KHDRBS3: variants seen among roughly 807,000 people sequenced by gnomAD.
The protein encoded by KHDRBS3 is KH RNA binding domain containing, signal transduction associated 3, also known as KH domain-containing, RNA-binding, signal transduction-associated protein 3.
In KHDRBS3, 23 loss-of-function variants were observed where a neutral mutation model predicts 45.6. The observed-to-expected ratio is 0.50, with a 90% CI of 0.36 to 0.72. The LOEUF (loss-of-function observed/expected upper bound fraction) is 0.72. Among genes scored for constraint, KHDRBS3 ranks in the 30% least tolerant of loss-of-function variants. KHDRBS3 has a pLI of 0.00. For missense variants in KHDRBS3, 352 were observed against 424.8 expected (o/e 0.83, Z 1.51); for synonymous variants, 162 against 156.5 (o/e 1.04, Z -0.26).
At chr8:135,631,019 C>A (rs781772404) in intron 7 of KHDRBS3, among the ~76,000 whole-genome samples, 27 of 152,054 alleles carry the variant, frequency 1.8e-4, no homozygotes, top group Non-Finnish European at 4.0e-4. Flanking sequence ...GAGGCCAAGG[C>A]AGGTGGATTG....
At chr8:135,561,340 G>A (rs796638904) in intron 5 of KHDRBS3, among the ~76,000 whole-genome samples, 1 of 152,096 alleles carries the variant, frequency 6.6e-6, no homozygotes, top group Non-Finnish European at 1.5e-5. Flanking sequence ...ATCATAGTCC[G>A]ATGAGGTGGG....
intron 1 of KHDRBS3, among the ~76,000 whole-genome samples, chr8:135,506,289 G>A (rs1823990332): frequency 6.6e-6 from 1 of 152,102 alleles, no homozygotes. Flanking sequence ...AGTTTTACCT[G>A]TCAAGCTAGT....
Position 135,509,017 on chromosome 8 carries a change from G to T in KHDRBS3, c.89-12220G>T, listed in dbSNP as rs1824143523. On this transcript the variant is annotated intron_variant, in intron 1 of 8. Transcript: ENST00000355849. ...ATTCACCATTGGGACCAATAAATCT[G>T]TAGGTGAACCTCAATCTCAGTCATT... Among the ~76,000 whole-genome samples the T allele has an allele frequency of 2.0e-5, 3 of 152,294 alleles. No homozygotes were observed. In the South Asian group the frequency reaches 6.2e-4, roughly 32 times the overall value.
chr8:135,489,823 C>T (rs2130404443), intron 1 of KHDRBS3, among the ~76,000 whole-genome samples: 2 of 152,164 alleles, frequency 1.3e-5, no homozygotes, highest in South Asian at 2.1e-4. Flanking sequence ...CCTAAGTATA[C>T]AGTGTTTGAT....
intron 5 of KHDRBS3, among the ~76,000 whole-genome samples, chr8:135,569,136 T>C (rs1340811685): frequency 6.6e-6 from 1 of 152,192 alleles, no homozygotes; most frequent in African/African-American, 2.4e-5. Context: ...CCGTTTTTAT[T>C]CATAGTTGGT....
At chr8:135,605,660 A>C (rs1358164081) in intron 6 of KHDRBS3, among the ~76,000 whole-genome samples, 3 of 152,188 alleles carry the variant, frequency 2.0e-5, no homozygotes, top group Admixed American at 1.3e-4. Flanking sequence ...ACATATTTGA[A>C]AAGTTGGTTC....
chr8:135,567,289 TGGAAAA>T (rs1386030838), intron 5 of KHDRBS3, among the ~76,000 whole-genome samples: 2 of 152,036 alleles, frequency 1.3e-5, no homozygotes, highest in Non-Finnish European at 2.9e-5. Flanking sequence ...TTCTCAGATG[TGGAAAA>T]CACGTCAGTT....
intron 1 of KHDRBS3, among the ~76,000 whole-genome samples, chr8:135,510,649 G>T (rs1824234472): frequency 6.6e-6 from 1 of 152,170 alleles, no homozygotes; most frequent in Admixed American, 6.5e-5. Flanking sequence ...TGGCCAAGAT[G>T]GTCTCAATCT....
At chr8:135,556,686 CT>C (rs1224999864) in intron 4 of KHDRBS3, among the ~76,000 whole-genome samples, 1 of 152,102 alleles carries the variant, frequency 6.6e-6, no homozygotes, top group Non-Finnish European at 1.5e-5. Context: ...TTACTATTTC[CT>C]TTTTGATCCT....
At chr8:135,541,540 T>C (rs1169986579) in intron 2 of KHDRBS3, 1 of 152,224 alleles carries the variant, frequency 6.6e-6, no homozygotes, top group Non-Finnish European at 1.5e-5. Flanking sequence ...TTTAAAGTGC[T>C]AAGTACTTAT....
intron 4 of KHDRBS3, among the ~76,000 whole-genome samples, chr8:135,553,458 G>T (rs1389642309): frequency 6.6e-6 from 1 of 151,974 alleles, no homozygotes; most frequent in East Asian, 1.9e-4. Flanking sequence ...GTTCCTATGA[G>T]CATATGCAGT....
chr8:135,644,212 A>G lies in KHDRBS3; in HGVS notation c.891-847A>G, dbSNP rs73375355. On this transcript the variant is annotated intron_variant, in intron 7 of 8. Transcript: ENST00000355849. ...TTCCTAGTTCAAATACATTGTATAT[A>G]TGTAGGCTGTTTTGCATCATCTGCA... 2.9e-3 allele frequency among the ~76,000 whole-genome samples: 445 copies of G among 152,324 alleles called. 3 individuals carry two copies. Among genetic ancestry groups the G allele is most frequent in the African/African-American group, 0.01 (425 of 41,562 alleles).
At chr8:135,536,966 CAAAAAAAAAA>C (rs869256475) in intron 2 of KHDRBS3, among the ~76,000 whole-genome samples, 5 of 11,778 alleles carry the variant, frequency 4.2e-4, no homozygotes, top group African/African-American at 1.7e-3. Flanking sequence ...AACTCCATCT[CAAAAAAAAAA>C]AAAAAAAAAA....
chr8:135,624,491 A>T (rs1830274968), intron 7 of KHDRBS3, among the ~76,000 whole-genome samples: 1 of 152,212 alleles, frequency 6.6e-6, no homozygotes, highest in Non-Finnish European at 1.5e-5. Flanking sequence ...ATGAAAACCG[A>T]GCTCTTCAAC....
chr8:135,640,391 G>A (rs1476968898), intron 7 of KHDRBS3, among the ~76,000 whole-genome samples: 7 of 152,086 alleles, frequency 4.6e-5, no homozygotes, highest in African/African-American at 9.7e-5. Flanking sequence ...GGGGAAGGTC[G>A]ACTTCATCCC....
chr8:135,639,670 T>G (rs965526758), intron 7 of KHDRBS3, among the ~76,000 whole-genome samples: 5 of 152,248 alleles, frequency 3.3e-5, no homozygotes, highest in Non-Finnish European at 7.3e-5. Flanking sequence ...TTTAATTGGC[T>G]CACAGTTCTG....
chr8:135,523,180 T>C (rs1055432660), intron 2 of KHDRBS3, among the ~76,000 whole-genome samples: 1 of 152,174 alleles, frequency 6.6e-6, no homozygotes, highest in Non-Finnish European at 1.5e-5. Flanking sequence ...AAGAATTTCT[T>C]TGTTAATTAC....
At chr8:135,630,470 G>A (rs1438101230) in intron 7 of KHDRBS3, among the ~76,000 whole-genome samples, 2 of 43,640 alleles carry the variant, frequency 4.6e-5, no homozygotes, top group Non-Finnish European at 1.0e-4. Flanking sequence ...CCCACAATGA[G>A]TTATAAAGTT....
intron 7 of KHDRBS3, among the ~76,000 whole-genome samples, chr8:135,638,076 G>A (rs1201407958): frequency 1.3e-5 from 2 of 152,108 alleles, no homozygotes; most frequent in Non-Finnish European, 2.9e-5. Flanking sequence ...CCATTCAAGA[G>A]AAGGGTGCTA....
Sources: gnomAD v4.1 joint callset for allele counts (sites outside exome capture counted in the v4.1 genomes callset) on GRCh38, gnomAD v4.1.1 for gene constraint, MANE v1.5 for transcripts, NCBI Gene and HGNC (gene_info 2026-07-23, HGNC 2026-07-21) for gene names.